CSMD1: variants seen among roughly 807,000 people sequenced by gnomAD.
CSMD1 encodes the protein CUB and Sushi multiple domains 1, also known as CUB and sushi domain-containing protein 1.
CSMD1 carries 213 observed loss-of-function variants against 417.5 expected under a neutral mutation model. That is an observed-to-expected ratio of 0.51 (90% CI 0.46 to 0.57). CSMD1 has a LOEUF of 0.57. Ranked by LOEUF, CSMD1 falls within the 20% of genes least tolerant of loss-of-function variation. CSMD1 has a pLI of 0.00. For synonymous variants in CSMD1, 2,862 were observed against 1,736.8 expected (o/e 1.65, Z -16.11); for missense variants, 6,923 against 4,529.7 (o/e 1.53, Z -15.17).
chr8:3,433,959 C>A (rs1187259452), intron 12 of CSMD1, among the ~76,000 whole-genome samples: 1 of 152,176 alleles, frequency 6.6e-6, no homozygotes, highest in Non-Finnish European at 1.5e-5. Flanking sequence ...GGCAAGACTC[C>A]CCTCTGGAAG....
In CSMD1 at chr8:3,464,979, G is replaced by A. The variant is rs761481132; in HGVS notation, c.1561+3733C>T. Among the ~76,000 whole-genome samples the A allele has an allele frequency of 4.6e-5, 7 of 151,594 alleles. 1 individual carries two copies. The highest frequency in any genetic ancestry group is 3.9e-4 in the Admixed American group (6 of 15,230). ...TATCAATTCACACTCTCTCTCTCTC[G>A]TTCTGTGTATAATAGCTATAGATAA... On this transcript the variant is annotated intron_variant, in intron 12 of 69. Transcript: ENST00000635120.
At chr8:4,557,510 C>A (rs1364794383) in intron 2 of CSMD1, among the ~76,000 whole-genome samples, 1 of 151,290 alleles carries the variant, frequency 6.6e-6, no homozygotes, top group South Asian at 2.1e-4. Context: ...GAAATATTAT[C>A]AGTTGAGAAA....
At position 3,306,770 on chromosome 8, in the gene CSMD1, C is replaced by T. The variant is rs560689292; in HGVS notation, c.3950+925G>A. Among the ~76,000 whole-genome samples, 310 of 151,982 alleles carry T rather than the reference C, an allele frequency of 2.0e-3. 1 individual carries two copies. Among genetic ancestry groups the T allele is most frequent in the Middle Eastern group, 6.8e-3 (2 of 294 alleles). ...AAAATAAAACTGATTTTAAAATTAC[C>T]TTTTGCCTTATGTGCTATGGTTTTG... On this transcript the variant is annotated intron_variant, in intron 25 of 69. Transcript: ENST00000635120.
At chr8:4,848,445 A>G (rs7844218) in intron 1 of CSMD1, among the ~76,000 whole-genome samples, 64,491 of 152,032 alleles carry the variant, frequency 0.42, 13,861 homozygotes, top group Non-Finnish European at 0.48. Flanking sequence ...AACGCAGTGC[A>G]TTACTCATGG....
At chr8:3,826,947 T>C (rs1381591836) in intron 5 of CSMD1, among the ~76,000 whole-genome samples, 4 of 152,058 alleles carry the variant, frequency 2.6e-5, no homozygotes, top group African/African-American at 4.8e-5. Context: ...CCTAGCTATT[T>C]TTTTAAATAT....
At chr8:3,965,343 A>G (rs530683008) in intron 5 of CSMD1, among the ~76,000 whole-genome samples, 11 of 152,316 alleles carry the variant, frequency 7.2e-5, no homozygotes, top group African/African-American at 2.6e-4. Context: ...TGATGCTTAA[A>G]TAAGACAATG....
intron 5 of CSMD1, among the ~76,000 whole-genome samples, chr8:3,863,949 G>C (rs980052936): frequency 3.9e-5 from 6 of 152,290 alleles, no homozygotes; most frequent in East Asian, 3.9e-4. Context: ...CAGAGGTTTA[G>C]AGGTCTGATT....
Position 4,594,193 on chromosome 8 carries a change from ATCTT to A in CSMD1, c.302+43145_302+43148del, listed in dbSNP as rs1270478840. On this transcript the variant is annotated intron_variant, in intron 2 of 69. Coordinates refer to ENST00000635120, the MANE Select transcript of CSMD1 (RefSeq NM_033225.6). Reference sequence around the variant, plus strand: ...TTTTAACTTGATTAATTCTAAAGTGATCTTTTTTTTTTTTTTTTTTTTTTCTCTG... The same window carrying A: ...TTTTAACTTGATTAATTCTAAAGTGATTTTTTTTTTTTTTTTTTTTCTCTG... 4.4e-3 allele frequency among the ~76,000 whole-genome samples: 387 copies of A among 88,128 alleles called. 2 individuals are homozygous for A. The highest frequency in any genetic ancestry group is 0.015 in the African/African-American group (375 of 24,802). 57.8% of individuals were successfully genotyped at this position (88,128 alleles called of 152,430 possible).
intron 57 of CSMD1, among the ~76,000 whole-genome samples, chr8:2,968,206 A>G (rs1804139904): frequency 6.6e-6 from 1 of 152,236 alleles, no homozygotes; most frequent in African/African-American, 2.4e-5. Context: ...TTCATTCAAC[A>G]AACACATATT....
chr8:3,906,971 T>C (rs879749734), intron 5 of CSMD1, among the ~76,000 whole-genome samples: 9 of 152,204 alleles, frequency 5.9e-5, no homozygotes, highest in Non-Finnish European at 1.5e-5. Context: ...ATCAGACAAC[T>C]GAAACGCTTC....
chr8:4,209,975 G>C (rs1049442241), intron 3 of CSMD1, among the ~76,000 whole-genome samples: 1 of 152,176 alleles, frequency 6.6e-6, no homozygotes. Flanking sequence ...CACTGGAGGA[G>C]GTGTCTTATG....
intron 3 of CSMD1, among the ~76,000 whole-genome samples, chr8:4,204,308 C>G (rs1169766428): frequency 6.6e-6 from 1 of 151,362 alleles, no homozygotes; most frequent in African/African-American, 2.4e-5. Flanking sequence ...TTTTCTTTCT[C>G]AGAATCAGAA....
intron 1 of CSMD1, among the ~76,000 whole-genome samples, chr8:4,851,454 A>C (rs1801476346): frequency 6.7e-6 from 1 of 150,024 alleles, no homozygotes; most frequent in African/African-American, 2.5e-5. Flanking sequence ...TCCCTTGTCA[A>C]CCTCTATTTT....
chr8:4,601,894 C>T lies in CSMD1; in HGVS notation c.302+35448G>A, dbSNP rs997022768. ...TGTGGAGCAGGGCACAGCCTGGAAC[C>T]GTCTACATAGAGTGTGAACAAGAAG... On this transcript the variant is annotated intron_variant, in intron 2 of 69. Coordinates refer to ENST00000635120, the MANE Select transcript of CSMD1 (RefSeq NM_033225.6). Among the ~76,000 whole-genome samples the T allele has an allele frequency of 8.5e-5, 13 of 152,238 alleles. No individual in the cohort carries two copies. In the South Asian group the frequency reaches 1.7e-3, roughly 19 times the overall value.
intron 8 of CSMD1, among the ~76,000 whole-genome samples, chr8:3,587,489 T>C (rs1563177414): frequency 6.6e-6 from 1 of 150,696 alleles, no homozygotes; most frequent in South Asian, 2.1e-4. Context: ...AAGTTAATCA[T>C]AGAGACAAGA....
intron 5 of CSMD1, among the ~76,000 whole-genome samples, chr8:3,839,976 T>A (rs1803014742): frequency 6.6e-6 from 1 of 152,068 alleles, no homozygotes; most frequent in South Asian, 2.1e-4. Flanking sequence ...TTGGGTGAGA[T>A]GTTGAAGGAT....
intron 2 of CSMD1, among the ~76,000 whole-genome samples, chr8:4,472,367 C>G (rs1800584474): frequency 6.6e-6 from 1 of 152,094 alleles, no homozygotes. Flanking sequence ...TCATCCATCA[C>G]TTGATCTGTA....
chr8:4,494,032 G>A (rs879474703), intron 2 of CSMD1, among the ~76,000 whole-genome samples: 1 of 152,142 alleles, frequency 6.6e-6, no homozygotes, highest in South Asian at 2.1e-4. Flanking sequence ...AGGCCCTGGG[G>A]GAAGGAACAT....
chr8:3,477,331 A>G (rs537381623), intron 11 of CSMD1, among the ~76,000 whole-genome samples: 5 of 152,334 alleles, frequency 3.3e-5, no homozygotes, highest in Middle Eastern at 6.8e-3. Flanking sequence ...TGCCCTTCAG[A>G]TAAAAACTTG....
Sources: gnomAD v4.1 joint callset for allele counts (sites outside exome capture counted in the v4.1 genomes callset) on GRCh38, gnomAD v4.1.1 for gene constraint, MANE v1.5 for transcripts, NCBI Gene and HGNC (gene_info 2026-07-23, HGNC 2026-07-21) for gene names.